The following ADAMTS3 variants were observed in gnomAD, a reference collection of about 807,000 sequenced individuals.
ADAMTS3 encodes the protein ADAM metallopeptidase with thrombospondin type 1 motif 3.
In ADAMTS3, 73 loss-of-function variants were observed where a neutral mutation model predicts 129.0. The observed-to-expected ratio is 0.57, with a 90% CI of 0.47 to 0.69. ADAMTS3 has a LOEUF of 0.69. Among genes scored for constraint, ADAMTS3 ranks in the 30% least tolerant of loss-of-function variants. The pLI is 0.00. For missense variants in ADAMTS3, 1,457 were observed against 1,514.5 expected (o/e 0.96, Z 0.63); for synonymous variants, 477 against 510.8 (o/e 0.93, Z 0.89).
intron 4 of ADAMTS3, among the ~76,000 whole-genome samples, chr4:72,344,762 G>A (rs566419138): frequency 1.3e-5 from 2 of 152,076 alleles, no homozygotes; most frequent in South Asian, 4.2e-4. Context: ...CAGTTCTATG[G>A]GGTGATCCTA....
chr4:72,347,322 G>A (rs1720314731), intron 4 of ADAMTS3, among the ~76,000 whole-genome samples: 1 of 147,120 alleles, frequency 6.8e-6, no homozygotes, highest in Non-Finnish European at 1.5e-5. Flanking sequence ...TTTGATGTAA[G>A]TTCCCGACAG....
At chr4:72,433,915 A>G (rs1722757926) in intron 3 of ADAMTS3, among the ~76,000 whole-genome samples, 1 of 151,922 alleles carries the variant, frequency 6.6e-6, no homozygotes, top group African/African-American at 2.4e-5. Context: ...AACAAAGTAT[A>G]TATTTTATAG....
At chr4:72,530,081 T>TATTATATATTATA (rs1553921133) in intron 3 of ADAMTS3, among the ~76,000 whole-genome samples, 61 of 3,494 alleles carry the variant, frequency 0.017, 25 homozygotes, top group African/African-American at 0.055. Flanking sequence ...ACATATTATA[T>TATTATATATTATA]TTATATATAA....
chr4:72,339,738 G>A (rs1720086793), intron 4 of ADAMTS3, 45 bp from the exon 5 acceptor site: 2 of 1,504,130 alleles, frequency 1.3e-6, no homozygotes, highest in African/African-American at 2.8e-5. Context: ...TTCCCTAACA[G>A]GCCTTCCAAT....
At chr4:72,470,454 C>T (rs1424755932) in intron 3 of ADAMTS3, among the ~76,000 whole-genome samples, 9 of 149,938 alleles carry the variant, frequency 6.0e-5, no homozygotes, top group Non-Finnish European at 1.3e-4. Context: ...TATATACACT[C>T]ATAATATATA....
chr4:72,547,176 T>C (rs1383202530), intron 3 of ADAMTS3, among the ~76,000 whole-genome samples: 5 of 152,180 alleles, frequency 3.3e-5, no homozygotes, highest in African/African-American at 7.2e-5. Flanking sequence ...GATTCTATGA[T>C]TGAATATCTC....
At chr4:72,515,448 A>C (rs889596686) in intron 3 of ADAMTS3, among the ~76,000 whole-genome samples, 1 of 151,106 alleles carries the variant, frequency 6.6e-6, no homozygotes, top group Non-Finnish European at 1.5e-5. Context: ...TTACAGTCCT[A>C]CCAACAGTGT....
At chr4:72,514,401 G>A (rs575708082) in intron 3 of ADAMTS3, among the ~76,000 whole-genome samples, 2 of 152,268 alleles carry the variant, frequency 1.3e-5, no homozygotes, top group South Asian at 2.1e-4. Flanking sequence ...GAGGGTGGGA[G>A]TATTATAAAA....
At position 72,281,805 on chromosome 4, in the gene ADAMTS3, A is replaced by G. The variant is rs1718351026; in HGVS notation, c.*1331T>C. ...TAGTGTAAATATTTAGTACATAAAAATACTATCAAGAAAAAAAATCAACTT... is the reference window on the plus strand; with the variant it reads ...TAGTGTAAATATTTAGTACATAAAAGTACTATCAAGAAAAAAAATCAACTT... On this transcript the variant is annotated 3_prime_UTR_variant, in exon 22 of 22. Transcript: ENST00000286657. 1.2e-5 allele frequency: 1 copy of G among 84,248 alleles called. No homozygotes were observed. 5.2% of individuals were successfully genotyped at this position (84,248 alleles called of 1,614,324 possible).
chr4:72,393,907 T>C (rs1295790877), intron 4 of ADAMTS3, among the ~76,000 whole-genome samples: 1 of 152,202 alleles, frequency 6.6e-6, no homozygotes, highest in Non-Finnish European at 1.5e-5. Context: ...AGAAACTAAA[T>C]TTGAAAACAA....
intron 6 of ADAMTS3, among the ~76,000 whole-genome samples, chr4:72,321,250 C>A (rs1719546982): frequency 6.6e-6 from 1 of 152,142 alleles, no homozygotes; most frequent in Admixed American, 6.5e-5. Flanking sequence ...GGACTCACTG[C>A]AACCTCTGCC....
At chr4:72,565,866 T>C (rs1049822881) in intron 2 of ADAMTS3, among the ~76,000 whole-genome samples, 8 of 152,236 alleles carry the variant, frequency 5.3e-5, no homozygotes, top group Non-Finnish European at 1.2e-4. Context: ...TAATTCTATC[T>C]TAAAATTCTA....
intron 4 of ADAMTS3, among the ~76,000 whole-genome samples, chr4:72,369,733 A>G (rs531138937): frequency 6.7e-6 from 1 of 149,778 alleles, no homozygotes; most frequent in South Asian, 2.1e-4. Context: ...ATAAAAATGA[A>G]AAAAAAAAAT....
At chr4:72,530,671 TATAA>T (rs1285627134) in intron 3 of ADAMTS3, among the ~76,000 whole-genome samples, 2 of 85,698 alleles carry the variant, frequency 2.3e-5, no homozygotes, top group East Asian at 3.5e-4. Context: ...TTATATAATA[TATAA>T]TATGTATAAT....
At chr4:72,370,362 T>C (rs1450468116) in intron 4 of ADAMTS3, among the ~76,000 whole-genome samples, 1 of 151,750 alleles carries the variant, frequency 6.6e-6, no homozygotes, top group Non-Finnish European at 1.5e-5. Context: ...ATTTGCTTAT[T>C]ATATCATTTG....
At chr4:72,525,518 G>A (rs1720783754) in intron 3 of ADAMTS3, among the ~76,000 whole-genome samples, 1 of 152,076 alleles carries the variant, frequency 6.6e-6, no homozygotes, top group Non-Finnish European at 1.5e-5. Context: ...TAAACTTTTA[G>A]GAATACATGT....
chr4:72,563,065 T>TA (rs1721942274), intron 2 of ADAMTS3, among the ~76,000 whole-genome samples: 2 of 152,162 alleles, frequency 1.3e-5, no homozygotes, highest in Non-Finnish European at 2.9e-5. Context: ...AAGATCATCA[T>TA]TCTGGAAGCA....
chr4:72,326,285 T>C lies in ADAMTS3; in HGVS notation c.862-3188A>G, dbSNP rs368135938. 2.6e-5 allele frequency among the ~76,000 whole-genome samples: 4 copies of C among 152,124 alleles called. No individual in the cohort carries two copies. In the South Asian group the frequency reaches 8.3e-4, roughly 32 times the overall value. On this transcript the variant is annotated intron_variant, in intron 5 of 21. Coordinates refer to ENST00000286657, the MANE Select transcript of ADAMTS3 (RefSeq NM_014243.3). ...GCTGTCTGTACTGTACAAAGCACTG[T>C]ATCTTATTATTTTGATTTTCAAGGC...
intron 3 of ADAMTS3, among the ~76,000 whole-genome samples, chr4:72,519,443 G>C (rs1330183045): frequency 1.3e-5 from 2 of 152,112 alleles, no homozygotes; most frequent in Non-Finnish European, 2.9e-5. Flanking sequence ...TTTCCAACTT[G>C]GTTCCATTCT....
Sources: allele counts gnomAD v4.1 joint callset (sites outside exome capture counted in the v4.1 genomes callset), GRCh38; gene constraint gnomAD v4.1.1; transcripts MANE v1.5; gene names NCBI Gene and HGNC (gene_info 2026-07-23, HGNC 2026-07-21).